NLGN1: variants seen among roughly 807,000 people sequenced by gnomAD.
NLGN1 encodes neuroligin-1.
NLGN1 carries 12 observed loss-of-function variants against 65.5 expected under a neutral mutation model. The ratio of observed to expected loss-of-function variants is 0.18; its 90% CI spans 0.12 to 0.30. NLGN1 has a LOEUF of 0.30. Ranked by LOEUF, NLGN1 falls within the 10% of genes least tolerant of loss-of-function variation. NLGN1 has a pLI of 1.00. For synonymous variants in NLGN1, 350 were observed against 359.5 expected, an observed-to-expected ratio of 0.97 and a Z score of 0.30; for missense variants, 750 against 1,007.1, an observed-to-expected ratio of 0.74 and a Z score of 3.46.
intron 4 of NLGN1, among the ~76,000 whole-genome samples, chr3:173,962,195 AT>A (rs1339841346): frequency 1.3e-5 from 2 of 152,072 alleles, no homozygotes; most frequent in Non-Finnish European, 2.9e-5. Flanking sequence ...AGTTGGCAGG[AT>A]TTCCTTCCAC....
At chr3:174,213,274 A>G (rs576483382) in intron 4 of NLGN1, among the ~76,000 whole-genome samples, 99 of 152,322 alleles carry the variant, frequency 6.5e-4, no homozygotes, top group African/African-American at 2.3e-3. Context: ...AAATTCTGCT[A>G]TAATAGTTGT....
chr3:173,782,984 G>A (rs1032716556), intron 3 of NLGN1, among the ~76,000 whole-genome samples: 2 of 140,442 alleles, frequency 1.4e-5, no homozygotes, highest in Non-Finnish European at 3.1e-5. Flanking sequence ...AATATAGAAA[G>A]CTGTCTTTTA....
chr3:173,926,779 A>G (rs959904391), intron 4 of NLGN1, among the ~76,000 whole-genome samples: 1 of 152,194 alleles, frequency 6.6e-6, no homozygotes, highest in African/African-American at 2.4e-5. Flanking sequence ...TGGGTGGGGA[A>G]AGTGCAGGGA....
intron 3 of NLGN1, among the ~76,000 whole-genome samples, chr3:173,658,043 G>A (rs927576052): frequency 2.0e-5 from 3 of 151,962 alleles, no homozygotes; most frequent in Middle Eastern, 6.8e-3. Context: ...ATAAAACATA[G>A]GTAATTAAAG....
intron 4 of NLGN1, among the ~76,000 whole-genome samples, chr3:173,907,349 C>T (rs1738620398): frequency 6.6e-6 from 1 of 152,132 alleles, no homozygotes; most frequent in Non-Finnish European, 1.5e-5. Flanking sequence ...CTACCTATAG[C>T]TATGTCCAGT....
intron 3 of NLGN1, among the ~76,000 whole-genome samples, chr3:173,710,788 T>C (rs1768825169): frequency 6.6e-6 from 1 of 151,798 alleles, no homozygotes. Context: ...GGCTGAGGAG[T>C]CTCAAAGCAT....
At chr3:173,851,700 A>G (rs1726947818) in intron 4 of NLGN1, among the ~76,000 whole-genome samples, 1 of 152,158 alleles carries the variant, frequency 6.6e-6, no homozygotes, top group Non-Finnish European at 1.5e-5. Context: ...ATGCTTGATA[A>G]ATATCTGGGG....
intron 4 of NLGN1, among the ~76,000 whole-genome samples, chr3:174,269,236 G>GTATT (rs1748877381): frequency 6.6e-6 from 1 of 151,768 alleles, no homozygotes; most frequent in South Asian, 2.1e-4. Context: ...TTCAGTAACT[G>GTATT]TATTAATATA....
At chr3:173,778,446 A>G (rs762994293) in intron 3 of NLGN1, among the ~76,000 whole-genome samples, 17 of 151,900 alleles carry the variant, frequency 1.1e-4, no homozygotes, top group Non-Finnish European at 2.1e-4. Flanking sequence ...CTTGTTACAG[A>G]TGGCTCTTGC....
At chr3:173,468,006 A>G (rs1193140218) in intron 2 of NLGN1, among the ~76,000 whole-genome samples, 1 of 152,128 alleles carries the variant, frequency 6.6e-6, no homozygotes, top group East Asian at 1.9e-4. Flanking sequence ...TGCCACCACT[A>G]TAATGCATTT....
intron 4 of NLGN1, among the ~76,000 whole-genome samples, chr3:173,860,602 T>TTA (rs1285507537): frequency 5.9e-5 from 9 of 152,158 alleles, no homozygotes; most frequent in Non-Finnish European, 1.2e-4. Flanking sequence ...TAAAATACGT[T>TTA]TAAAAGAGCG....
chr3:173,569,123 A>C (rs1331653994), intron 2 of NLGN1, among the ~76,000 whole-genome samples: 1 of 152,218 alleles, frequency 6.6e-6, no homozygotes, highest in East Asian at 1.9e-4. Flanking sequence ...ATAATGTGTT[A>C]GTTTATCCTA....
At chr3:173,553,800 A>ACT (rs10662900) in intron 2 of NLGN1, among the ~76,000 whole-genome samples, 85,148 of 151,734 alleles carry the variant, frequency 0.56, 23,782 homozygotes, top group East Asian at 0.8. Context: ...AGAAAAGCCG[A>ACT]CTAACAGAAG....
At chr3:173,662,004 C>T (rs546633005) in intron 3 of NLGN1, among the ~76,000 whole-genome samples, 5 of 152,096 alleles carry the variant, frequency 3.3e-5, no homozygotes, top group African/African-American at 1.2e-4. Context: ...TCTGTTAGAA[C>T]TCAAATGACA....
intron 4 of NLGN1, among the ~76,000 whole-genome samples, chr3:174,060,905 T>C (rs1737259474): frequency 6.6e-6 from 1 of 152,080 alleles, no homozygotes; most frequent in Non-Finnish European, 1.5e-5. Context: ...TAGCCACTTA[T>C]AGGTTGGGAA....
chr3:173,517,029 C>A (rs1733923030), intron 2 of NLGN1, among the ~76,000 whole-genome samples: 1 of 150,460 alleles, frequency 6.6e-6, no homozygotes, highest in Non-Finnish European at 1.5e-5. Flanking sequence ...AGTATTAGAT[C>A]TGCCACTTAG....
intron 2 of NLGN1, among the ~76,000 whole-genome samples, chr3:173,498,687 C>T (rs1201959566): frequency 1.3e-5 from 2 of 151,856 alleles, no homozygotes; most frequent in African/African-American, 2.4e-5. Flanking sequence ...AAAAGTGTTC[C>T]TATTTCTTCA....
intron 4 of NLGN1, among the ~76,000 whole-genome samples, chr3:173,821,886 G>T (rs1033413981): frequency 2.0e-5 from 3 of 152,090 alleles, no homozygotes. Context: ...GAAAGTATTT[G>T]TGAGAGCATA....
intron 5 of NLGN1, among the ~76,000 whole-genome samples, chr3:174,277,574 A>T (rs913072692): frequency 2.0e-5 from 3 of 151,994 alleles, no homozygotes; most frequent in Non-Finnish European, 4.4e-5. Context: ...ATAAACAGCT[A>T]CATAATTTTA....
Sources: allele counts gnomAD v4.1 joint callset (sites outside exome capture counted in the v4.1 genomes callset), GRCh38; gene constraint gnomAD v4.1.1; transcripts MANE v1.5; gene names NCBI Gene and HGNC (gene_info 2026-07-23, HGNC 2026-07-21).